GRK1: variants seen among roughly 807,000 people sequenced by gnomAD.
GRK1 encodes the protein rhodopsin kinase GRK1.
In GRK1, 28 loss-of-function variants were observed where a neutral mutation model predicts 41.7. The ratio of observed to expected loss-of-function variants is 0.67; its 90% CI spans 0.50 to 0.92. The LOEUF (loss-of-function observed/expected upper bound fraction) is 0.92, where lower values mean the gene tolerates loss of function less well. Among genes scored for constraint, GRK1 ranks in the 40% least tolerant of loss-of-function variants. The pLI is 0.00. For synonymous variants in GRK1, 327 were observed against 286.7 expected (o/e 1.14, Z -1.42); for missense variants, 703 against 671.2 (o/e 1.05, Z -0.52).
At chr13:113,723,653 T>C (rs1275621179) in intron 4 of GRK1, among the ~76,000 whole-genome samples, 4 of 152,148 alleles carry the variant, frequency 2.6e-5, no homozygotes, top group Non-Finnish European at 2.9e-5. Flanking sequence ...TGAGAGGACT[T>C]TGAATACAAT....
At chr13:113,652,780 A>G in the GRK1 span, 1 of 1,459,998 alleles carries the variant, frequency 6.8e-7, no homozygotes, top group Non-Finnish European at 9.5e-7. Flanking sequence ...GGCAAGCCCC[A>G]GACAGGACAC....
intron 5 of GRK1, among the ~76,000 whole-genome samples, chr13:113,732,167 C>T (rs562252654): frequency 5.9e-5 from 9 of 152,310 alleles, no homozygotes; most frequent in Admixed American, 5.9e-4. Flanking sequence ...AGAAGGCCAC[C>T]GTCTCAGAGT....
the GRK1 span, among the ~76,000 whole-genome samples, chr13:113,653,962 A>G: frequency 6.6e-6 from 1 of 152,218 alleles, no homozygotes; most frequent in African/African-American, 2.4e-5. Flanking sequence ...ACAGATGCAG[A>G]AACGTGTGTT....
the GRK1 span, chr13:113,650,386 C>T: frequency 2.4e-5 from 38 of 1,605,842 alleles, no homozygotes; most frequent in African/African-American, 5.4e-5. This position sits in a 1 kb window ranked among gnomAD's most constrained non-coding sequence, Gnocchi z 5.0. Context: ...GTGAGGGAAG[C>T]GTGGAAGGAA....
At chr13:113,723,462 G>A (rs999478803) in intron 4 of GRK1, among the ~76,000 whole-genome samples, 6 of 152,108 alleles carry the variant, frequency 3.9e-5, no homozygotes, top group Non-Finnish European at 1.5e-5. Context: ...ACATTTTAGG[G>A]AGCCATGAGA....
In GRK1 at chr13:113,731,524, G is replaced by A. The variant is rs907212389; in HGVS notation, c.1194+181G>A. ...TCCTGGGCCATGCTGTTCTGTCTCA[G>A]TGGGTGACGCCCCCAGCCCCTGAGG... On this transcript the variant is annotated intron_variant, in intron 5 of 6. Transcript: ENST00000335678. This position sits in a 1 kb window ranked among gnomAD's most constrained non-coding sequence, Gnocchi z 5.6. 2.2e-6 allele frequency: 1 copy of A among 456,120 alleles called. No individual in the cohort carries two copies. The highest frequency in any genetic ancestry group is 2.1e-5 in the African/African-American group (1 of 46,872). The allele number at this position is 456,120 out of a possible 1,614,324, so 28.3% of individuals were successfully genotyped here.
Position 113,728,027 on chromosome 13 carries a change from G to T in GRK1, c.1070-3192G>T, listed in dbSNP as rs1322489981. Among the ~76,000 whole-genome samples, 101 of 79,852 alleles carry T rather than the reference G, an allele frequency of 1.3e-3. 2 individuals are homozygous for T. The highest frequency in any genetic ancestry group is 6.9e-3 in the African/African-American group (95 of 13,848). The allele number at this position is 79,852 out of a possible 152,430, so 52.4% of individuals were successfully genotyped here. On this transcript the variant is annotated intron_variant, in intron 4 of 6. Transcript: ENST00000335678. ...ACCCATGGCGATGAGGAGTACCCAT[G>T]GCGATGAGGAGTACCCATGGCGATG...
chr13:113,672,187 T>TGG lies in GRK1; in HGVS notation c.985+534_985+535dup, dbSNP rs1374403719. On this transcript the variant is annotated intron_variant, in intron 3 of 6. Coordinates refer to ENST00000335678, the MANE Select transcript of GRK1 (RefSeq NM_002929.3). The stretch of plus-strand genomic sequence containing the variant: ...GTGCTGTGTGCGCGTATGTGGTTTG[T>TGG]GGGGTGTGTGTGTGTGTTGTGTGTG... Among the ~76,000 whole-genome samples the TGG allele has an allele frequency of 5.9e-3, 900 of 151,544 alleles. 2 individuals carry two copies. The highest frequency in any genetic ancestry group is 0.034 in the Middle Eastern group (10 of 294).
intron 2 of GRK1, among the ~76,000 whole-genome samples, chr13:113,670,322 G>A (rs753099016): frequency 4.6e-5 from 7 of 152,222 alleles, no homozygotes; most frequent in Non-Finnish European, 8.8e-5. Context: ...CCCCAGGCCC[G>A]TGCTGGGGAT....
intron 5 of GRK1, among the ~76,000 whole-genome samples, chr13:113,732,680 C>G (rs2049945688): frequency 6.6e-6 from 1 of 152,200 alleles, no homozygotes; most frequent in South Asian, 2.1e-4. Flanking sequence ...CGGCACCCAC[C>G]TGTGGCTCCT....
intron 4 of GRK1, among the ~76,000 whole-genome samples, chr13:113,726,920 G>A (rs2049892523): frequency 6.6e-6 from 1 of 152,246 alleles, no homozygotes. Flanking sequence ...GGCCACATCA[G>A]CCTGGCCCTC....
intron 6 of GRK1, among the ~76,000 whole-genome samples, chr13:113,733,816 TGTGTGC>T (rs1286953743): frequency 6.9e-6 from 1 of 145,554 alleles, no homozygotes; most frequent in East Asian, 2.0e-4. Context: ...TGTGCATACG[TGTGTGC>T]GTGTGTGTGC....
chr13:113,731,445 T>C lies in GRK1; in HGVS notation c.1194+102T>C, dbSNP rs1356725308. On this transcript the variant is annotated intron_variant, in intron 5 of 6. Transcript: ENST00000335678. The surrounding 1 kb of genome is among the most constrained non-coding windows in gnomAD (Gnocchi z 5.6). ...TCGTTACTGGGGCAGACCTGGGAGT[T>C]GTTCTGTGGGCCCTGGGGTGGGGAG... 1.4e-6 allele frequency: 2 copies of C among 1,465,630 alleles called. No individual in the cohort carries two copies. Among genetic ancestry groups the C allele is most frequent in the Non-Finnish European group, 1.8e-6 (2 of 1,098,414 alleles). The allele number at this position is 1,465,630 out of a possible 1,614,324, so 90.8% of individuals were successfully genotyped here.
At chr13:113,734,691 G>A (rs1276927383) in intron 6 of GRK1, 3 of 177,674 alleles carry the variant, frequency 1.7e-5, no homozygotes, top group Non-Finnish European at 1.2e-5. Flanking sequence ...GAGTGCGCAG[G>A]GGAGGCCCTG....
At chr13:113,654,666 G>T in the GRK1 span, 1 of 1,269,678 alleles carries the variant, frequency 7.9e-7, no homozygotes, top group Non-Finnish European at 1.1e-6. Flanking sequence ...GGCACCTGCT[G>T]GGGTGTGTGG....
chr13:113,655,244 G>A, the GRK1 span, among the ~76,000 whole-genome samples: 1 of 152,212 alleles, frequency 6.6e-6, no homozygotes, highest in Non-Finnish European at 1.5e-5. Context: ...TTGAGATGTG[G>A]CCGAGGATGC....
At chr13:113,733,499 ATGTGTGTGCACGTG>A (rs896600872) in intron 6 of GRK1, among the ~76,000 whole-genome samples, 1 of 148,068 alleles carries the variant, frequency 6.8e-6, no homozygotes, top group African/African-American at 2.6e-5. Context: ...GCGTGTGTGT[ATGTGTGTGCACGTG>A]TGTGTGCATG....
chr13:113,667,075 C>T (rs375962939), upstream of GRK1: 2 of 247,438 alleles, frequency 8.1e-6, no homozygotes, highest in South Asian at 1.1e-4. The surrounding 1 kb of genome is among the most constrained non-coding windows in gnomAD (Gnocchi z 7.5). Flanking sequence ...AGGAAGGGGC[C>T]GGGCAGAATG....
At chr13:113,659,579 T>C in the GRK1 span, among the ~76,000 whole-genome samples, 2 of 152,178 alleles carry the variant, frequency 1.3e-5, no homozygotes, top group Admixed American at 1.3e-4. Context: ...CTTTTCTTTT[T>C]TTTAATTTCT....
Sources: gnomAD v4.1 joint callset for allele counts (sites outside exome capture counted in the v4.1 genomes callset) on GRCh38, gnomAD v4.1.1 for gene constraint, Gnocchi (gnomAD v3.1) non-coding constraint, MANE v1.5 for transcripts, NCBI Gene and HGNC (gene_info 2026-07-23, HGNC 2026-07-21) for gene names.